Variants in THSD7A observed in about 807,000 individuals in gnomAD.
THSD7A encodes thrombospondin type-1 domain-containing protein 7A.
In THSD7A, 96 loss-of-function variants were observed where a neutral mutation model predicts 231.3. The ratio of observed to expected loss-of-function variants is 0.41; its 90% confidence interval spans 0.35 to 0.49. The LOEUF is 0.49. Ranked by LOEUF, THSD7A falls within the 20% of genes least tolerant of loss-of-function variation. The pLI, the probability that THSD7A is intolerant of heterozygous loss-of-function variation, is 0.05. For missense variants in THSD7A, 2,290 were observed against 2,070.2 expected (o/e 1.11, Z -2.06); for synonymous variants, 940 against 743.3 (o/e 1.26, Z -4.30).
chr7:11,393,052 C>G (rs945776039), intron 23 of THSD7A, among the ~76,000 whole-genome samples: 1 of 152,122 alleles, frequency 6.6e-6, no homozygotes, highest in Non-Finnish European at 1.5e-5. Flanking sequence ...GGGTCATACT[C>G]TCTCCCGAAG....
intron 1 of THSD7A, among the ~76,000 whole-genome samples, chr7:11,780,787 C>T (rs1187294782): frequency 5.3e-5 from 8 of 151,832 alleles, no homozygotes; most frequent in African/African-American, 1.9e-4. Flanking sequence ...ACAATGAGAG[C>T]TTTAATTTTA....
chr7:11,511,644 T>C (rs1179746739), intron 6 of THSD7A, among the ~76,000 whole-genome samples: 1 of 152,144 alleles, frequency 6.6e-6, no homozygotes, highest in Admixed American at 6.5e-5. Flanking sequence ...TCTACAACTA[T>C]CTGATCTTTG....
chr7:11,405,467 A>C (rs754385220), intron 22 of THSD7A, among the ~76,000 whole-genome samples: 5 of 152,138 alleles, frequency 3.3e-5, no homozygotes, highest in Non-Finnish European at 7.3e-5. Context: ...TTGGGGATAA[A>C]ATACAGGTAA....
intron 2 of THSD7A, among the ~76,000 whole-genome samples, chr7:11,625,328 G>T (rs1781441979): frequency 6.6e-6 from 1 of 152,008 alleles, no homozygotes; most frequent in African/African-American, 2.4e-5. Context: ...AAGTGCTTGT[G>T]TCAATATTCC....
intron 1 of THSD7A, among the ~76,000 whole-genome samples, chr7:11,737,267 C>G (rs934070005): frequency 6.6e-6 from 1 of 151,670 alleles, no homozygotes; most frequent in African/African-American, 2.4e-5. Context: ...AGAGAACTGG[C>G]TGCTTCTGAA....
At chr7:11,662,555 T>C (rs1297836236) in intron 1 of THSD7A, among the ~76,000 whole-genome samples, 1 of 151,306 alleles carries the variant, frequency 6.6e-6, no homozygotes, top group Non-Finnish European at 1.5e-5. Flanking sequence ...CAAAATAACA[T>C]AATTGGCATA....
intron 6 of THSD7A, among the ~76,000 whole-genome samples, chr7:11,508,431 G>A (rs941016436): frequency 6.6e-6 from 1 of 151,434 alleles, no homozygotes; most frequent in African/African-American, 2.4e-5. Context: ...AAAACAAAAG[G>A]TGAAAAAAAA....
chr7:11,407,926 C>G (rs1178559087), intron 19 of THSD7A, among the ~76,000 whole-genome samples: 1 of 151,984 alleles, frequency 6.6e-6, no homozygotes, highest in African/African-American at 2.4e-5. Context: ...TATAAAGTAT[C>G]AGCTATCTTT....
chr7:11,474,317 C>T lies in THSD7A; in HGVS notation c.2252+17G>A, dbSNP rs773902940. The stretch of plus-strand genomic sequence containing the variant: ...AGGTGGCTACACGATTTACTGTTGT[C>T]ATTCTAAAGCTCTTACTTTTTGGGT... On this transcript the variant is annotated intron_variant, in intron 8 of 27. Transcript: ENST00000423059. The surrounding 1 kb of genome is among the most constrained non-coding windows in gnomAD (Gnocchi z 4.1). 3.1e-6 allele frequency: 5 copies of T among 1,593,064 alleles called. No homozygotes were observed. The highest frequency in any genetic ancestry group is 4.3e-6 in the Non-Finnish European group (5 of 1,167,606).
chr7:11,674,180 T>C (rs1163824500), intron 1 of THSD7A, among the ~76,000 whole-genome samples: 1 of 151,932 alleles, frequency 6.6e-6, no homozygotes, highest in Non-Finnish European at 1.5e-5. Context: ...AAAGGAAGCC[T>C]GGGTACAGCT....
rs1785574113 is a variant in THSD7A at position 11,463,293 on chromosome 7, A to G, written c.2369-1150T>C. On this transcript the variant is annotated intron_variant, in intron 9 of 27. Transcript: ENST00000423059. ...TCAACACGGTCTGGGCAACTGACTC[A>G]CTGCCATGTTTAGAGAGGATTTCTG... Among the ~76,000 whole-genome samples the G allele has an allele frequency of 2.0e-5, 3 of 152,166 alleles. No homozygotes were observed. In the South Asian group the frequency reaches 6.2e-4, roughly 32 times the overall value.
At chr7:11,712,731 T>A (rs1781007839) in intron 1 of THSD7A, among the ~76,000 whole-genome samples, 1 of 151,072 alleles carries the variant, frequency 6.6e-6, no homozygotes, top group South Asian at 2.1e-4. Flanking sequence ...ACATCAAATC[T>A]CACCTTCAAG....
At chr7:11,480,197 A>C (rs1189281396) in intron 7 of THSD7A, among the ~76,000 whole-genome samples, 5 of 152,228 alleles carry the variant, frequency 3.3e-5, no homozygotes, top group African/African-American at 1.2e-4. Flanking sequence ...TTTCAAACTC[A>C]GTGGATGATA....
intron 4 of THSD7A, among the ~76,000 whole-genome samples, chr7:11,561,641 C>G (rs111295262): frequency 6.6e-6 from 1 of 152,066 alleles, no homozygotes; most frequent in Non-Finnish European, 1.5e-5. Context: ...GAGGCCAAGG[C>G]GGGTGGATTA....
rs117991182 is a variant in THSD7A at position 11,670,196 on chromosome 7, G to A, written c.191-33235C>T. Among the ~76,000 whole-genome samples the A allele has an allele frequency of 4.0e-3, 610 of 152,292 alleles. 5 individuals are homozygous for A. The highest frequency in any genetic ancestry group is 0.017 in the Middle Eastern group (5 of 294). On this transcript the variant is annotated intron_variant, in intron 1 of 27. Transcript: ENST00000423059. ...CAATTTGGCTATCATGGAGGGTATGGAGAGTGGGATATAAGATTGGAAACC... is the reference window on the plus strand; with the variant it reads ...CAATTTGGCTATCATGGAGGGTATGAAGAGTGGGATATAAGATTGGAAACC...
intron 14 of THSD7A, among the ~76,000 whole-genome samples, chr7:11,428,365 G>T (rs1002919810): frequency 1.3e-5 from 2 of 152,044 alleles, no homozygotes; most frequent in African/African-American, 4.8e-5. Context: ...TTAACAGCAG[G>T]TAAGAAAGAA....
At chr7:11,547,776 T>C (rs1240064234) in intron 4 of THSD7A, among the ~76,000 whole-genome samples, 1 of 152,208 alleles carries the variant, frequency 6.6e-6, no homozygotes, top group Non-Finnish European at 1.5e-5. Flanking sequence ...GGGTAATCAA[T>C]GAGATTTAGG....
chr7:11,631,169 G>C (rs182836196), intron 2 of THSD7A, among the ~76,000 whole-genome samples: 246 of 152,280 alleles, frequency 1.6e-3, no homozygotes, highest in Admixed American at 2.0e-3. Flanking sequence ...AACCTTTATG[G>C]ATTGTGCCAC....
intron 1 of THSD7A, among the ~76,000 whole-genome samples, chr7:11,640,521 C>T (rs1308778329): frequency 1.3e-5 from 2 of 152,114 alleles, no homozygotes; most frequent in Admixed American, 1.3e-4. Context: ...ACCTTGAGAA[C>T]CTCTAATTTC....
Sources: allele counts gnomAD v4.1 joint callset (sites outside exome capture counted in the v4.1 genomes callset), GRCh38; gene constraint gnomAD v4.1.1; non-coding constraint Gnocchi (gnomAD v3.1); transcripts MANE v1.5; gene names NCBI Gene and HGNC (gene_info 2026-07-23, HGNC 2026-07-21).